Variants in EBF4 observed in about 807,000 individuals in gnomAD.
EBF4 encodes transcription factor COE4.
In EBF4, 34 loss-of-function variants were observed where a neutral mutation model predicts 67.1. The observed-to-expected ratio is 0.51, with a 90% CI of 0.39 to 0.67. EBF4 has a LOEUF of 0.67. Ranked by LOEUF, EBF4 falls within the 30% of genes least tolerant of loss-of-function variation. The pLI is 0.00. For synonymous variants in EBF4, 387 were observed against 377.7 expected (o/e 1.02, Z -0.29); for missense variants, 837 against 873.3 (o/e 0.96, Z 0.52).
At chr20:2,749,152 G>A (rs114773387) in intron 7 of EBF4, among the ~76,000 whole-genome samples, 1,595 of 152,312 alleles carry the variant, frequency 0.01, 34 homozygotes, top group African/African-American at 0.035. Context: ...CTTTGCCTAA[G>A]GAGCCAGTTT....
chr20:2,719,100 T>C (rs1251267764), intron 6 of EBF4, among the ~76,000 whole-genome samples: 1 of 152,254 alleles, frequency 6.6e-6, no homozygotes, highest in East Asian at 1.9e-4. Flanking sequence ...TTTTATTTAC[T>C]TATTTATTTT....
intron 6 of EBF4, among the ~76,000 whole-genome samples, chr20:2,746,731 C>G (rs541632584): frequency 6.6e-6 from 1 of 152,040 alleles, no homozygotes; most frequent in Non-Finnish European, 1.5e-5. Context: ...GTAACTATAC[C>G]GTGGTTAAAG....
intron 9 of EBF4, 44 bp from the exon 10 acceptor site, chr20:2,749,803 C>A (rs1297846131): frequency 1.9e-6 from 3 of 1,541,564 alleles, no homozygotes; most frequent in African/African-American, 1.4e-5. Context: ...TGGGCCCTCC[C>A]CTCGCCGGTG....
intron 6 of EBF4, among the ~76,000 whole-genome samples, chr20:2,735,839 G>A (rs2087870035): frequency 6.6e-6 from 1 of 151,966 alleles, no homozygotes; most frequent in Non-Finnish European, 1.5e-5. Flanking sequence ...TTATAATTTT[G>A]AAAAAAATTC....
At chr20:2,703,451 A>G (rs1457630073) in intron 1 of EBF4, among the ~76,000 whole-genome samples, 3 of 151,644 alleles carry the variant, frequency 2.0e-5, no homozygotes, top group Non-Finnish European at 2.9e-5. Flanking sequence ...AAAGTATTCC[A>G]GGTTGGGCAT....
In EBF4 at chr20:2,707,822, G is replaced by A. The variant is rs555058420; in HGVS notation, c.415-125G>A. ...GGCAGCCCAGAGCAAGGCAGAGGGCGTGCTCTTCCCTGGGGCAGGGTCTCC... is the reference window on the plus strand; with the variant it reads ...GGCAGCCCAGAGCAAGGCAGAGGGCATGCTCTTCCCTGGGGCAGGGTCTCC... On this transcript the variant is annotated intron_variant, in intron 4 of 16. Transcript: ENST00000609451. The surrounding 1 kb of genome is among the most constrained non-coding windows in gnomAD (Gnocchi z 4.6). 2.8e-5 allele frequency: 26 copies of A among 925,328 alleles called. No individual in the cohort carries two copies. Among genetic ancestry groups the A allele is most frequent in the Middle Eastern group, 5.4e-4 (2 of 3,702 alleles). The allele number at this position is 925,328 out of a possible 1,614,324, so 57.3% of individuals were successfully genotyped here. A position where few individuals can be genotyped will look rare whatever the true frequency, so the allele number is the denominator to read the frequency against.
At chr20:2,708,178 C>T (rs1249577714) in intron 5 of EBF4, among the ~76,000 whole-genome samples, 158 bp downstream of exon 5, 1 of 152,170 alleles carries the variant, frequency 6.6e-6, no homozygotes, top group Non-Finnish European at 1.5e-5. Flanking sequence ...TGGTGAGGCC[C>T]CTGGGCACAG....
chr20:2,735,371 G>T lies in EBF4; in HGVS notation c.558-13178G>T, dbSNP rs566357866. ...GTCTTCAACAGGGCTGGGGAGTAGG[G>T]GATGGGAATAGGGCAAATTAAAACA... is the stretch of plus-strand genomic sequence containing the variant. On this transcript the variant is annotated intron_variant, in intron 6 of 16. Transcript: ENST00000609451. 1.9e-4 allele frequency among the ~76,000 whole-genome samples: 29 copies of T among 152,234 alleles called. 1 individual carries two copies. The East Asian group carries it at 2.5e-3, about 13-fold the overall frequency.
rs1219233992 is a variant in EBF4 at position 2,707,781 on chromosome 20, G to C, written c.415-166G>C. The stretch of plus-strand genomic sequence containing the variant: ...GGTGGTGGTCCGGTTTGGGAGGAGG[G>C]GTTATCCCCCGCCTGGGCAGCCCAG... On this transcript the variant is annotated intron_variant, in intron 4 of 16. Coordinates refer to ENST00000609451, the Ensembl canonical transcript of EBF4. This position sits in a 1 kb window ranked among gnomAD's most constrained non-coding sequence, Gnocchi z 4.6. Among the ~76,000 whole-genome samples, 1 of 152,152 alleles carries C rather than the reference G, an allele frequency of 6.6e-6. No homozygotes were observed. Among genetic ancestry groups the C allele is most frequent in the Non-Finnish European group, 1.5e-5 (1 of 68,018 alleles).
exon 9 of EBF4, chr20:2,749,678 C>T (rs749128169): frequency 1.9e-6 from 3 of 1,567,614 alleles, no homozygotes; most frequent in East Asian, 2.4e-5. Context: ...CGGGCGGCGC[C>T]ACCGTCATTG....
intron 5 of EBF4, among the ~76,000 whole-genome samples, chr20:2,708,249 C>T (rs924180669): frequency 2.0e-5 from 3 of 152,168 alleles, no homozygotes; most frequent in African/African-American, 4.8e-5. Context: ...GTGGCTTCTC[C>T]GAGTGTTTTT....
Position 2,705,921 on chromosome 20 carries a change from G to A in EBF4, c.295-53G>A. 3.3e-6 allele frequency: 5 copies of A among 1,532,990 alleles called. No homozygotes were observed. The South Asian group carries it at 4.9e-5, about 15-fold the overall frequency. 95.0% of individuals were successfully genotyped at this position (1,532,990 alleles called of 1,614,324 possible). A position where few individuals can be genotyped will look rare whatever the true frequency, so the allele number is the denominator to read the frequency against. ...GGGGTTAGGAGAAGGGGTGGACAAG[G>A]GAGGCTGGAGGATCCCTGAGCACCC... On this transcript the variant is annotated intron_variant, in intron 2 of 16. Coordinates refer to ENST00000609451, the Ensembl canonical transcript of EBF4.
rs185976811 is a variant in EBF4, at chr20:2,696,187, C to G, written c.137+2405C>G. ...CTCTCTCCGATTACAAATAAAGTGA[C>G]CAGGCTGGGCGCGGTGGCTCACGCC... On this transcript the variant is annotated intron_variant, in intron 1 of 16. Coordinates refer to ENST00000609451, the Ensembl canonical transcript of EBF4. The surrounding 1 kb of genome is among the most constrained non-coding windows in gnomAD (Gnocchi z 4.7). Among the ~76,000 whole-genome samples the G allele has an allele frequency of 1.3e-5, 2 of 152,176 alleles. No individual in the cohort carries two copies. The highest frequency in any genetic ancestry group is 1.5e-5 in the Non-Finnish European group (1 of 68,040).
intron 1 of EBF4, among the ~76,000 whole-genome samples, chr20:2,698,828 G>C (rs2087334111): frequency 6.6e-6 from 1 of 152,126 alleles, no homozygotes; most frequent in Non-Finnish European, 1.5e-5. Flanking sequence ...TCAAAACCTT[G>C]AGTTATCAAG....
At chr20:2,698,270 C>G (rs1401574162) in intron 1 of EBF4, among the ~76,000 whole-genome samples, 11 of 152,228 alleles carry the variant, frequency 7.2e-5, no homozygotes, top group Non-Finnish European at 1.6e-4. Context: ...CTCCCCAGAC[C>G]CAAACCTCAT....
intron 6 of EBF4, among the ~76,000 whole-genome samples, chr20:2,728,941 G>C (rs1012803860): frequency 1.3e-5 from 2 of 151,968 alleles, no homozygotes; most frequent in African/African-American, 2.4e-5. Flanking sequence ...TCATAGTAGA[G>C]CTGTTGCAGA....
intron 6 of EBF4, among the ~76,000 whole-genome samples, chr20:2,735,917 A>G (rs2087870864): frequency 1.3e-5 from 2 of 152,248 alleles, no homozygotes; most frequent in African/African-American, 2.4e-5. Context: ...ATAGAAAACA[A>G]TGTAAGGCTT....
At position 2,756,461 on chromosome 20, in the gene EBF4, T is replaced by C. The variant is rs1479004596; in HGVS notation, c.1738+637T>C. ...TGGGAGGACAGAGGAAGGGACTGGC[T>C]GTGGAAAAGGAGGAGGCAACAGGAT... On this transcript the variant is annotated intron_variant, in intron 15 of 16. Coordinates refer to ENST00000609451, the Ensembl canonical transcript of EBF4. This position sits in a 1 kb window ranked among gnomAD's most constrained non-coding sequence, Gnocchi z 4.5. 6.6e-6 allele frequency among the ~76,000 whole-genome samples: 1 copy of C among 152,198 alleles called. No individual in the cohort carries two copies. The highest frequency in any genetic ancestry group is 6.5e-5 in the Admixed American group (1 of 15,284).
Position 2,752,278 on chromosome 20 carries a change from C to A in EBF4, c.1351+15C>A. On this transcript the variant is annotated intron_variant, in intron 13 of 16. Transcript: ENST00000609451. ...GCCCGAGCCGGGTGCGTGGGCCGCG[C>A]CTCCCCGCCGTCCTCGGGCGCCGCC... 1 of 1,225,848 alleles carries A rather than the reference C, an allele frequency of 8.2e-7. No homozygotes were observed. The allele number at this position is 1,225,848 out of a possible 1,614,324, so 75.9% of individuals were successfully genotyped here.
Sources: gnomAD v4.1 joint callset for allele counts (sites outside exome capture counted in the v4.1 genomes callset) on GRCh38, gnomAD v4.1.1 for gene constraint, Gnocchi (gnomAD v3.1) non-coding constraint, MANE v1.5 for transcripts, NCBI Gene and HGNC (gene_info 2026-07-23, HGNC 2026-07-21) for gene names.